The following EYA1 variants were observed in gnomAD, a reference collection of about 807,000 sequenced individuals.
EYA1 encodes the protein protein phosphatase EYA1.
In EYA1, 16 loss-of-function variants were observed where a neutral mutation model predicts 82.0. The observed-to-expected ratio is 0.20, with a 90% CI of 0.13 to 0.30. EYA1 has a LOEUF of 0.30. EYA1 is among the 10% of genes least tolerant of loss of function. The pLI, the probability that EYA1 is intolerant of heterozygous loss-of-function variation, is 1.00. For missense variants in EYA1, 633 were observed against 730.7 expected (o/e 0.87, Z 1.54); for synonymous variants, 261 against 264.4 (o/e 0.99, Z 0.12).
intron 9 of EYA1, among the ~76,000 whole-genome samples, chr8:71,292,832 T>A (rs770457407): frequency 6.6e-5 from 10 of 151,930 alleles, no homozygotes; most frequent in Non-Finnish European, 1.5e-4. Context: ...ACTGAACACA[T>A]ATATTAGAAA....
chr8:71,472,810 T>TAC (rs1278519145), intron 2 of EYA1, among the ~76,000 whole-genome samples: 3 of 148,190 alleles, frequency 2.0e-5, no homozygotes, highest in African/African-American at 7.4e-5. Flanking sequence ...TATATATATA[T>TAC]ATATCTGTCA....
At chr8:71,243,316 TATCA>T (rs1239000199) in intron 12 of EYA1, among the ~76,000 whole-genome samples, 4 of 152,184 alleles carry the variant, frequency 2.6e-5, no homozygotes, top group Admixed American at 6.5e-5. Context: ...TGAAAACAAT[TATCA>T]ATCAGAAACA....
intron 9 of EYA1, among the ~76,000 whole-genome samples, chr8:71,277,838 G>A (rs1322843987): frequency 6.6e-6 from 1 of 152,044 alleles, no homozygotes; most frequent in Non-Finnish European, 1.5e-5. Context: ...ATTTCTACAA[G>A]ACAGCAAAAA....
At chr8:71,349,921 AC>A (rs1408436749) in intron 3 of EYA1, among the ~76,000 whole-genome samples, 20 of 152,262 alleles carry the variant, frequency 1.3e-4, no homozygotes, top group Non-Finnish European at 2.2e-4. Flanking sequence ...TTTATTAGCA[AC>A]AGACATGTGA....
intron 2 of EYA1, among the ~76,000 whole-genome samples, chr8:71,430,986 G>A (rs900498503): frequency 6.6e-6 from 1 of 152,010 alleles, no homozygotes; most frequent in African/African-American, 2.4e-5. Context: ...CCTTTGTAGA[G>A]TCAAGGTAGA....
intron 2 of EYA1, among the ~76,000 whole-genome samples, chr8:71,372,854 C>T (rs762385146): frequency 1.3e-5 from 2 of 152,074 alleles, no homozygotes; most frequent in Non-Finnish European, 2.9e-5. Flanking sequence ...ATATGATACA[C>T]CACATTAACA....
At chr8:71,361,304 G>A (rs1586546433) in intron 1 of EYA1, among the ~76,000 whole-genome samples, 1 of 152,142 alleles carries the variant, frequency 6.6e-6, no homozygotes, top group Admixed American at 6.5e-5. Context: ...GATTTGTGCA[G>A]CAATTCAGAA....
chr8:71,269,707 A>G (rs753401183), intron 11 of EYA1, 33 bp downstream of exon 11: 1 of 1,521,676 alleles, frequency 6.6e-7, no homozygotes, highest in Non-Finnish European at 9.1e-7. Context: ...TTTACTCCAA[A>G]GAAATTAAAA....
At chr8:71,312,442 T>C (rs1821442086) in intron 7 of EYA1, among the ~76,000 whole-genome samples, 1 of 152,220 alleles carries the variant, frequency 6.6e-6, no homozygotes, top group Non-Finnish European at 1.5e-5. Flanking sequence ...TTATTATTTA[T>C]TTATTATTTA....
chr8:71,268,670 G>A (rs1458805170), intron 11 of EYA1, among the ~76,000 whole-genome samples: 1 of 152,076 alleles, frequency 6.6e-6, no homozygotes, highest in African/African-American at 2.4e-5. Context: ...TAAAATGGTG[G>A]GATATTATTG....
At chr8:71,410,105 T>C (rs539654398) in intron 2 of EYA1, among the ~76,000 whole-genome samples, 1 of 151,902 alleles carries the variant, frequency 6.6e-6, no homozygotes, top group Non-Finnish European at 1.5e-5. Flanking sequence ...ATCCAGCATA[T>C]AAACAGAGCC....
At chr8:71,212,808 T>C (rs1182563813) in intron 16 of EYA1, among the ~76,000 whole-genome samples, 1 of 152,176 alleles carries the variant, frequency 6.6e-6, no homozygotes, top group Non-Finnish European at 1.5e-5. Context: ...GGGCCAGGCA[T>C]AGTGGTTCAC....
intron 12 of EYA1, among the ~76,000 whole-genome samples, chr8:71,228,972 G>A (rs1163107210): frequency 6.6e-6 from 1 of 152,194 alleles, no homozygotes; most frequent in Non-Finnish European, 1.5e-5. Flanking sequence ...AAGAGCAAAA[G>A]CATCTAGCGG....
Position 71,461,798 on chromosome 8 carries a change from CA to C in EYA1, c.33+73945del, listed in dbSNP as rs758212706. On this transcript the variant is annotated intron_variant, in intron 2 of 18. Transcript: ENST00000643681. The stretch of plus-strand genomic sequence containing the variant: ...TCTATTACACAGCCAGGGTGTCCCT[CA>C]GGGGGAAGCTCCATTCCCTAGCCAG... 1.2e-3 allele frequency among the ~76,000 whole-genome samples: 182 copies of C among 152,158 alleles called. 1 individual carries two copies. Among genetic ancestry groups the C allele is most frequent in the Admixed American group, 1.8e-3 (27 of 15,296 alleles).
chr8:71,199,924 A>G (rs2128803444), intron 17 of EYA1: 1 of 160,284 alleles, frequency 6.2e-6, no homozygotes, highest in Non-Finnish European at 1.4e-5. Flanking sequence ...AAATGGCTTT[A>G]CCATATGGAA....
At chr8:71,446,305 A>G (rs1158869025) in intron 2 of EYA1, among the ~76,000 whole-genome samples, 1 of 152,004 alleles carries the variant, frequency 6.6e-6, no homozygotes, top group Non-Finnish European at 1.5e-5. Flanking sequence ...TGTTCTCATG[A>G]TAGTGAGTGA....
intron 3 of EYA1, among the ~76,000 whole-genome samples, chr8:71,348,703 C>T (rs1826001643): frequency 6.6e-6 from 1 of 152,174 alleles, no homozygotes; most frequent in Non-Finnish European, 1.5e-5. Flanking sequence ...TCTAACTTTA[C>T]CTCTTTTACT....
intron 11 of EYA1, among the ~76,000 whole-genome samples, chr8:71,248,085 T>C (rs1303297024): frequency 6.6e-6 from 1 of 152,258 alleles, no homozygotes; most frequent in African/African-American, 2.4e-5. Context: ...AATGACTTGC[T>C]AGTCAGAATA....
At chr8:71,425,477 A>G (rs956420430) in intron 2 of EYA1, among the ~76,000 whole-genome samples, 5 of 152,186 alleles carry the variant, frequency 3.3e-5, no homozygotes, top group African/African-American at 7.2e-5. Flanking sequence ...TTTTCACATT[A>G]GTTTTAATTA....
Sources: allele counts gnomAD v4.1 joint callset (sites outside exome capture counted in the v4.1 genomes callset), GRCh38; gene constraint gnomAD v4.1.1; transcripts MANE v1.5; gene names NCBI Gene and HGNC (gene_info 2026-07-23, HGNC 2026-07-21).